The following IQSEC1 variants were observed in gnomAD, a reference collection of about 807,000 sequenced individuals.
IQSEC1 encodes IQ motif and SEC7 domain-containing protein 1.
IQSEC1 carries 31 observed loss-of-function variants against 91.0 expected under a neutral mutation model. That is an observed-to-expected ratio of 0.34 (90% CI 0.26 to 0.46). The LOEUF is 0.46. Among genes scored for constraint, IQSEC1 ranks in the 20% least tolerant of loss-of-function variants. IQSEC1 has a pLI of 1.00. For missense variants in IQSEC1, 1,388 were observed against 1,575.6 expected, an observed-to-expected ratio of 0.88 and a Z score of 2.02; for synonymous variants, 699 against 662.6, an observed-to-expected ratio of 1.05 and a Z score of -0.84.
At chr3:13,221,945 G>A (rs374857983) in intron 1 of IQSEC1, among the ~76,000 whole-genome samples, 2 of 152,242 alleles carry the variant, frequency 1.3e-5, no homozygotes, top group South Asian at 2.1e-4. Context: ...GCGGAGCAGA[G>A]GGGCAGGAGG....
At chr3:13,119,132 A>G (rs888801381) in intron 2 of IQSEC1, among the ~76,000 whole-genome samples, 3 of 152,184 alleles carry the variant, frequency 2.0e-5, no homozygotes, top group Admixed American at 2.0e-4. Flanking sequence ...GCAACAATTT[A>G]AAAAACAAAG....
intron 1 of IQSEC1, among the ~76,000 whole-genome samples, chr3:13,043,078 C>T (rs546236456): frequency 1.2e-3 from 182 of 152,250 alleles, no homozygotes; most frequent in Admixed American, 1.5e-3. Flanking sequence ...GCGACGGGGA[C>T]ACATTGATAA....
intron 1 of IQSEC1, among the ~76,000 whole-genome samples, chr3:13,063,441 C>T (rs998464038): frequency 6.6e-6 from 1 of 152,238 alleles, no homozygotes; most frequent in Non-Finnish European, 1.5e-5. Flanking sequence ...GCAGGAGGCA[C>T]AGACAAGCAT....
chr3:13,202,305 T>C (rs540299712), intron 1 of IQSEC1, among the ~76,000 whole-genome samples: 186 of 152,302 alleles, frequency 1.2e-3, no homozygotes, highest in Non-Finnish European at 2.0e-3. Context: ...CTTCTGGGTA[T>C]ATATAGGAAA....
At chr3:13,254,292 T>A (rs1392161736) in intron 1 of IQSEC1, among the ~76,000 whole-genome samples, 1 of 152,146 alleles carries the variant, frequency 6.6e-6, no homozygotes, top group Non-Finnish European at 1.5e-5. Flanking sequence ...CGCACTGGGG[T>A]CCTGAGGCCT....
chr3:13,242,857 A>C (rs1429633609), intron 1 of IQSEC1, among the ~76,000 whole-genome samples: 2 of 146,010 alleles, frequency 1.4e-5, no homozygotes, highest in Non-Finnish European at 3.0e-5. Context: ...GGAGAGAGGG[A>C]GGGAAGAGGA....
At chr3:12,932,906 C>T (rs1254699086) in intron 3 of IQSEC1, among the ~76,000 whole-genome samples, 4 of 152,242 alleles carry the variant, frequency 2.6e-5, no homozygotes, top group Non-Finnish European at 4.4e-5. Flanking sequence ...ACCTCGGCAG[C>T]CCCCGGGATG....
At chr3:13,059,803 T>G (rs1705002626) in intron 1 of IQSEC1, among the ~76,000 whole-genome samples, 1 of 152,042 alleles carries the variant, frequency 6.6e-6, no homozygotes, top group Non-Finnish European at 1.5e-5. Flanking sequence ...ACAACAGACT[T>G]CAGGCTAAAG....
At chr3:13,134,879 G>C (rs1706681969) in intron 2 of IQSEC1, among the ~76,000 whole-genome samples, 1 of 152,164 alleles carries the variant, frequency 6.6e-6, no homozygotes, top group South Asian at 2.1e-4. Context: ...TCCTCTGGGG[G>C]TCAGAGAGAC....
chr3:13,127,586 T>A (rs893788411), intron 2 of IQSEC1, among the ~76,000 whole-genome samples: 10 of 152,340 alleles, frequency 6.6e-5, no homozygotes, highest in Middle Eastern at 6.8e-3. Context: ...TTCTTTTTTT[T>A]AAATTGTTTT....
At chr3:12,951,653 G>A (rs1699556406) in intron 1 of IQSEC1, among the ~76,000 whole-genome samples, 1 of 152,152 alleles carries the variant, frequency 6.6e-6, no homozygotes, top group Non-Finnish European at 1.5e-5. Context: ...CCTGGCTGTT[G>A]ACCAAAAAGA....
chr3:13,255,960 G>T (rs1695278514), intron 1 of IQSEC1, among the ~76,000 whole-genome samples: 1 of 152,144 alleles, frequency 6.6e-6, no homozygotes, highest in African/African-American at 2.4e-5. Flanking sequence ...ACTGGGGAGG[G>T]GGCGTTACTG....
At chr3:13,027,275 C>T (rs1248074631) in intron 1 of IQSEC1, among the ~76,000 whole-genome samples, 1 of 152,202 alleles carries the variant, frequency 6.6e-6, no homozygotes, top group East Asian at 1.9e-4. Context: ...ACCATCTTGT[C>T]TCGGGCCTAG....
intron 4 of IQSEC1, among the ~76,000 whole-genome samples, chr3:12,923,914 C>T (rs1268572143): frequency 1.3e-5 from 2 of 152,236 alleles, no homozygotes; most frequent in Non-Finnish European, 2.9e-5. Flanking sequence ...GAGTTGGGAA[C>T]CCATTTTTCT....
At chr3:13,275,461 G>A (rs1441722395) in intron 1 of IQSEC1, among the ~76,000 whole-genome samples, 1 of 152,142 alleles carries the variant, frequency 6.6e-6, no homozygotes, top group Non-Finnish European at 1.5e-5. Context: ...GCCTCACCTG[G>A]CCCAGTTGCA....
chr3:13,212,524 G>C (rs1035044263), intron 1 of IQSEC1, among the ~76,000 whole-genome samples: 1 of 152,220 alleles, frequency 6.6e-6, no homozygotes, highest in South Asian at 2.1e-4. Flanking sequence ...CTCCTGGGTA[G>C]AGGCCCTGGA....
Position 12,935,755 on chromosome 3 carries a change from G to C in IQSEC1, c.1261C>G (p.Pro421Ala), listed in dbSNP as rs755004691. 6.8e-6 allele frequency: 11 copies of C among 1,609,298 alleles called. No individual in the cohort carries two copies. Among genetic ancestry groups the C allele is most frequent in the Non-Finnish European group, 8.5e-6 (10 of 1,179,702 alleles). The change falls in exon 3 of 14, where the codon CCT (proline) becomes GCT (alanine). Residue 421 changes from proline to alanine, a missense_variant. Transcript: ENST00000613206. This position sits in a 1 kb window ranked among gnomAD's most constrained non-coding sequence, Gnocchi z 8.0. The part of the protein sequence containing the change: ...GAPKSLPREE[P>A]ELRPRPPRPL... ...CTGGGGGGCCGGGGCCGCAACTCAG[G>C]CTCCTCCCGGGGGAGGCTCTTGGGG...
chr3:13,079,103 G>T (rs1206800853), intron 2 of IQSEC1, among the ~76,000 whole-genome samples: 1 of 152,210 alleles, frequency 6.6e-6, no homozygotes, highest in African/African-American at 2.4e-5. Context: ...ACTGATGTTG[G>T]GGTGCCAGAC....
chr3:13,047,321 A>G (rs536679338), intron 1 of IQSEC1, among the ~76,000 whole-genome samples: 1 of 152,314 alleles, frequency 6.6e-6, no homozygotes, highest in African/African-American at 2.4e-5. Context: ...CTCAGGGGAC[A>G]TATCAGTAGT....
Sources: allele counts gnomAD v4.1 joint callset (sites outside exome capture counted in the v4.1 genomes callset), GRCh38; gene constraint gnomAD v4.1.1; non-coding constraint Gnocchi (gnomAD v3.1); transcripts MANE v1.5; gene names NCBI Gene and HGNC (gene_info 2026-07-23, HGNC 2026-07-21).